Variants in DNAH17 observed in about 807,000 individuals in gnomAD.
DNAH17 encodes the protein axonemal beta dynein heavy chain 17.
In DNAH17, 376 loss-of-function variants were observed where a neutral mutation model predicts 485.6. The observed-to-expected ratio is 0.77, with a 90% CI of 0.71 to 0.84. The LOEUF (loss-of-function observed/expected upper bound fraction) is 0.84. DNAH17 is among the 40% of genes least tolerant of loss of function. The pLI is 0.00. For missense variants in DNAH17, 6,370 were observed against 5,839.3 expected (o/e 1.09, Z -2.96); for synonymous variants, 3,031 against 2,405.9 (o/e 1.26, Z -7.60).
At chr17:78,466,080 G>C (rs981011351) in intron 56 of DNAH17, among the ~76,000 whole-genome samples, 6 of 152,202 alleles carry the variant, frequency 3.9e-5, no homozygotes, top group Non-Finnish European at 7.3e-5. Flanking sequence ...ATTTTGTTCT[G>C]TACTAAGAAA....
chr17:78,447,222 C>T (rs72925850), intron 69 of DNAH17, among the ~76,000 whole-genome samples: 2,068 of 152,296 alleles, frequency 0.014, 26 homozygotes, highest in Non-Finnish European at 0.023. Context: ...CCTCAGTGCC[C>T]GGCCTCATCT....
Position 78,503,015 on chromosome 17 carries a change from G to T in DNAH17, c.4957-4C>A, listed in dbSNP as rs760586381. 31 of 1,612,856 alleles carry T rather than the reference G, an allele frequency of 1.9e-5. No individual in the cohort carries two copies. In the Admixed American group the frequency reaches 3.0e-4, roughly 16 times the overall value. ...CTCGATTCAGCCACACTTCCACCTG[G>T]GGACGGGAGCCACGGTGACCAATAC... On this transcript the variant is annotated splice_region_variant and splice_polypyrimidine_tract_variant and intron_variant, in intron 31 of 80. Coordinates refer to ENST00000389840, the MANE Select transcript of DNAH17 (RefSeq NM_173628.4).
intron 56 of DNAH17, among the ~76,000 whole-genome samples, chr17:78,464,507 C>T (rs951473339): frequency 1.3e-5 from 2 of 152,176 alleles, no homozygotes; most frequent in Admixed American, 6.5e-5. Flanking sequence ...GTGATCTGCC[C>T]GCTTTGGCCC....
intron 47 of DNAH17, 68 bp from the exon 48 acceptor site, chr17:78,485,101 G>A: frequency 2.7e-6 from 4 of 1,489,410 alleles, no homozygotes; most frequent in African/African-American, 1.4e-5. Context: ...GTAGGGAGGG[G>A]CGCTACCTGC....
At position 78,451,461 on chromosome 17, in the gene DNAH17, G is replaced by C; in HGVS notation, c.10734+8C>G. 6.2e-7 allele frequency: 1 copy of C among 1,603,636 alleles called. No homozygotes were observed. The highest frequency in any genetic ancestry group is 8.5e-7 in the Non-Finnish European group (1 of 1,175,166). Reference sequence around the variant, plus strand: ...CTCCTCCCGTGTGACCAAACTTCAGGCCATTACCTTCAGCTGTTCCAGATC... The same window carrying C: ...CTCCTCCCGTGTGACCAAACTTCAGCCCATTACCTTCAGCTGTTCCAGATC... On this transcript the variant is annotated splice_region_variant and intron_variant, in intron 66 of 80. Transcript: ENST00000389840.
intron 48 of DNAH17, among the ~76,000 whole-genome samples, chr17:78,482,531 G>C (rs1428614178): frequency 6.6e-6 from 1 of 152,046 alleles, no homozygotes; most frequent in Non-Finnish European, 1.5e-5. Flanking sequence ...TTAAATCACA[G>C]CCATCAATTT....
At chr17:78,575,945 T>C (rs147290259) in intron 1 of DNAH17, among the ~76,000 whole-genome samples, 2 of 152,218 alleles carry the variant, frequency 1.3e-5, no homozygotes, top group Non-Finnish European at 2.9e-5. Flanking sequence ...GTGGGGGCCT[T>C]GGAGGCGAGT....
chr17:78,525,214 C>T lies in DNAH17; in HGVS notation c.3712-53G>A, dbSNP rs1598640851. 6 of 1,582,608 alleles carry T rather than the reference C, an allele frequency of 3.8e-6. No homozygotes were observed. The East Asian group carries it at 1.4e-4, about 36-fold the overall frequency. Reference sequence around the variant, plus strand: ...GGGCTACCTACCCTCAGCGGTGCCCCACCCCACTCCCCGACGTTCTGCCCG... The same window carrying T: ...GGGCTACCTACCCTCAGCGGTGCCCTACCCCACTCCCCGACGTTCTGCCCG... On this transcript the variant is annotated intron_variant, in intron 24 of 80. Coordinates refer to ENST00000389840, the MANE Select transcript of DNAH17 (RefSeq NM_173628.4).
At chr17:78,541,268 T>TG (rs1399452676) in intron 17 of DNAH17, among the ~76,000 whole-genome samples, 358 of 10,340 alleles carry the variant, frequency 0.035, 52 homozygotes, top group African/African-American at 0.052. Context: ...GGTGGGGGGG[T>TG]GGGGGGTAAG....
chr17:78,549,410 A>C (rs1056378870), intron 16 of DNAH17, among the ~76,000 whole-genome samples: 1 of 152,178 alleles, frequency 6.6e-6, no homozygotes, highest in African/African-American at 2.4e-5. Flanking sequence ...AGTGGGCCCA[A>C]GTGTTTGCCT....
At chr17:78,513,960 T>C (rs1015934756) in intron 26 of DNAH17, among the ~76,000 whole-genome samples, 2 of 152,128 alleles carry the variant, frequency 1.3e-5, no homozygotes, top group African/African-American at 4.8e-5. Context: ...TTGTTCAGTG[T>C]TGGCTGAGAG....
intron 49 of DNAH17, among the ~76,000 whole-genome samples, 153 bp downstream of exon 49, chr17:78,480,531 G>A (rs552058568): frequency 6.6e-6 from 1 of 152,134 alleles, no homozygotes; most frequent in African/African-American, 2.4e-5. Flanking sequence ...CCATGCCCTG[G>A]AATTTTCTGA....
chr17:78,449,456 G>C lies in DNAH17; in HGVS notation c.11169C>G (p.Phe3723Leu), dbSNP rs373996385. 6 of 1,554,230 alleles carry C rather than the reference G, an allele frequency of 3.9e-6. No homozygotes were observed. The highest frequency in any genetic ancestry group is 5.2e-6 in the Non-Finnish European group (6 of 1,148,472). ...SVYMYTARGL[F>L]ERDKLIFLAQ... ...CCAGGAAAATGAGTTTGTCCCTCTC[G>C]AAGAGTCCCCGGGCCGTGTACATGT... is the stretch of plus-strand genomic sequence containing the variant. Residue 3723 changes from phenylalanine to leucine, a missense_variant, in exon 69 of 81, where the codon TTC (phenylalanine) becomes TTG (leucine). Coordinates refer to ENST00000389840, the MANE Select transcript of DNAH17 (RefSeq NM_173628.4).
chr17:78,506,846 G>C lies in DNAH17; in HGVS notation c.4677C>G (p.Ser1559Arg), dbSNP rs114464365. ...CCAAAGCCTTTTCACAGATGGCCAA[G>C]CTGGGAGGAAGGAAGGAAGTAGAGG... ...LYNKLEALKK[S>R]LAICEKALAE... The change falls in exon 30 of 81, where the codon AGC becomes AGG. Residue 1559 changes from serine (S) to arginine (R), a missense_variant and splice_region_variant. Transcript: ENST00000389840. 67 of 1,613,974 alleles carry C rather than the reference G, an allele frequency of 4.2e-5. No individual in the cohort carries two copies. The highest frequency in any genetic ancestry group is 5.5e-5 in the Non-Finnish European group (65 of 1,179,876).
chr17:78,552,104 G>T (rs538622526), intron 15 of DNAH17, among the ~76,000 whole-genome samples: 1 of 152,316 alleles, frequency 6.6e-6, no homozygotes, highest in Non-Finnish European at 1.5e-5. Context: ...TCTCTGAAAT[G>T]AAATGCCAAG....
rs185720046 is a variant in DNAH17, at chr17:78,463,010, C to G, written c.9008G>C (p.Arg3003Thr). 3 of 1,613,980 alleles carry G rather than the reference C, an allele frequency of 1.9e-6. No homozygotes were observed. In the African/African-American group the frequency reaches 4.0e-5, roughly 22 times the overall value. Residue 3003 changes from arginine (R) to threonine (T), a missense_variant, in exon 57 of 81, where the codon AGG (arginine) becomes ACG (threonine). Arg to Thr is a moderately conservative substitution (Grantham distance 71). Transcript: ENST00000389840. The part of the protein sequence containing the change: ...YVHTTVNEMS[R>T]VYLATERRYN... Reference sequence around the variant, plus strand: ...GCGCCTCTCAGTAGCCAGGTATACCCTGGACATCTCGTTGACGGTGGTGTG... The same window carrying G: ...GCGCCTCTCAGTAGCCAGGTATACCGTGGACATCTCGTTGACGGTGGTGTG...
chr17:78,449,738 C>T (rs989618137), intron 68 of DNAH17, 154 bp from the exon 69 acceptor site: 57 of 735,838 alleles, frequency 7.7e-5, no homozygotes, highest in Middle Eastern at 3.3e-4. Flanking sequence ...AGTGCAGTGG[C>T]GTGATCTTGG....
Position 78,494,814 on chromosome 17 carries a change from A to G in DNAH17, c.6049T>C (p.Tyr2017His), listed in dbSNP as rs774666688. Residue 2017 changes from tyrosine (Y) to histidine (H), a missense_variant, in exon 40 of 81, where the codon TAC becomes CAC. Coordinates refer to ENST00000389840, the MANE Select transcript of DNAH17 (RefSeq NM_173628.4). ...TTGATGGCTCTCAGGCCCCAGTCGT[A>G]ATGATCCTGCGGGCAGTGGGCACAG... The part of the protein sequence containing the change: ...CKELLSKQDH[Y>H]DWGLRAIKSV... 3.1e-6 allele frequency: 5 copies of G among 1,604,854 alleles called. No individual in the cohort carries two copies. Among genetic ancestry groups the G allele is most frequent in the African/African-American group, 1.3e-5 (1 of 74,700 alleles).
intron 77 of DNAH17, among the ~76,000 whole-genome samples, chr17:78,427,576 A>G (rs1598432828): frequency 6.6e-6 from 1 of 152,320 alleles, no homozygotes; most frequent in East Asian, 1.9e-4. Context: ...ACTAAGAGAA[A>G]GTCCTGGACC....
Sources: gnomAD v4.1 joint callset for allele counts (sites outside exome capture counted in the v4.1 genomes callset) on GRCh38, gnomAD v4.1.1 for gene constraint, MANE v1.5 for transcripts, NCBI Gene and HGNC (gene_info 2026-07-23, HGNC 2026-07-21) for gene names.